The following ZNF814 variants were observed in gnomAD, a reference collection of about 807,000 sequenced individuals.
ZNF814 encodes zinc finger protein 814.
In ZNF814, 5 loss-of-function variants were observed where a neutral mutation model predicts 7.5. That is an observed-to-expected ratio of 0.67 (90% CI 0.35 to 1.40). The LOEUF is 1.40. Ranked by LOEUF, ZNF814 falls within the 40% of genes most tolerant of loss-of-function variation. The probability of loss-of-function intolerance (pLI) is 0.04; values close to 1 mark genes in which losing one functional copy is unlikely to be tolerated. For synonymous variants in ZNF814, 315 were observed against 340.7 expected (o/e 0.92, Z 0.83); for missense variants, 962 against 1,018.0 (o/e 0.94, Z 0.75).
chr19:57,886,698 G>A (rs992539836), intron 1 of ZNF814, among the ~76,000 whole-genome samples: 3 of 152,060 alleles, frequency 2.0e-5, no homozygotes, highest in African/African-American at 4.8e-5. Flanking sequence ...AGGCAACATG[G>A]CGAAACCCCA....
Position 57,874,901 on chromosome 19 carries a change from C to T in ZNF814, c.489G>A (p.Leu163=). The T allele has an allele frequency of 6.2e-7, 1 of 1,613,896 alleles. No homozygotes were observed. Among genetic ancestry groups the T allele is most frequent in the Non-Finnish European group, 8.5e-7 (1 of 1,179,750 alleles). The change falls in exon 3 of 3, where the codon TTG becomes TTA. Residue 163 remains leucine, a synonymous_variant. Coordinates refer to ENST00000435989, the MANE Select transcript of ZNF814 (RefSeq NM_001144989.2). ...EEALFAKRCK[L]HVSGESSVFS... ...AGACAGATGACTCCCCTGACACATGCAACTTACACCTCTTTGCAAACAACG... is the reference window on the plus strand; with the variant it reads ...AGACAGATGACTCCCCTGACACATGTAACTTACACCTCTTTGCAAACAACG...
chr19:57,893,830 G>C (rs2071744582), upstream of ZNF814, among the ~76,000 whole-genome samples: 2 of 150,350 alleles, frequency 1.3e-5, no homozygotes, highest in Admixed American at 6.6e-5. Flanking sequence ...TGAGGCAGGA[G>C]AATCACTTAA....
intron 1 of ZNF814, among the ~76,000 whole-genome samples, chr19:57,883,576 G>A (rs1354724228): frequency 2.0e-5 from 3 of 150,490 alleles, no homozygotes; most frequent in African/African-American, 7.3e-5. Flanking sequence ...CAGGAGAATC[G>A]CTTGAACCTG....
chr19:57,903,380 A>C, the ZNF814 span, among the ~76,000 whole-genome samples: 2 of 152,212 alleles, frequency 1.3e-5, no homozygotes, highest in Admixed American at 1.3e-4. Flanking sequence ...AGTTAGTCAA[A>C]TTAATGATCT....
At chr19:57,883,593 G>A (rs1264244766) in intron 1 of ZNF814, among the ~76,000 whole-genome samples, 9 of 150,158 alleles carry the variant, frequency 6.0e-5, no homozygotes, top group South Asian at 4.2e-4. Flanking sequence ...CCTGGGAGGC[G>A]GAGGCTGCAC....
At chr19:57,875,620 G>A (rs1363748333) in intron 2 of ZNF814, among the ~76,000 whole-genome samples, 1 of 152,158 alleles carries the variant, frequency 6.6e-6, no homozygotes, top group Non-Finnish European at 1.5e-5. Context: ...ATATATATTC[G>A]CTAACACAAA....
upstream of ZNF814, among the ~76,000 whole-genome samples, chr19:57,891,744 T>C (rs1654869459): frequency 6.6e-6 from 1 of 150,384 alleles, no homozygotes; most frequent in Non-Finnish European, 1.5e-5. Context: ...CCCACTCTTT[T>C]ATTCCTTTAC....
Position 57,887,024 on chromosome 19 carries a change from C to G in ZNF814, c.36+1743G>C, listed in dbSNP as rs551683281. 4.0e-5 allele frequency among the ~76,000 whole-genome samples: 6 copies of G among 151,588 alleles called. No individual in the cohort carries two copies. The South Asian group carries it at 1.3e-3, about 32-fold the overall frequency. ...CCAACATGGAGAAACCCCGTCTCTA[C>G]TAAACATACAAAAAATTAGCCGGGT... On this transcript the variant is annotated intron_variant, in intron 1 of 2. Coordinates refer to ENST00000435989, the MANE Select transcript of ZNF814 (RefSeq NM_001144989.2).
At position 57,875,956 on chromosome 19, in the gene ZNF814, T is replaced by C. The variant is rs1417064175; in HGVS notation, c.164-730A>G. On this transcript the variant is annotated intron_variant, in intron 2 of 2. Coordinates refer to ENST00000435989, the MANE Select transcript of ZNF814 (RefSeq NM_001144989.2). ...TCCAGGGTGCCGCTTTTTTTTTTTT[T>C]TTTTTTTTTTTTTTTTTTTTTTGAG... Among the ~76,000 whole-genome samples, 25 of 111,914 alleles carry C rather than the reference T, an allele frequency of 2.2e-4. 1 individual carries two copies. Among genetic ancestry groups the C allele is most frequent in the Middle Eastern group, 4.5e-3 (1 of 224 alleles). 73.4% of individuals were successfully genotyped at this position (111,914 alleles called of 152,430 possible).
chr19:57,902,880 C>T, the ZNF814 span, among the ~76,000 whole-genome samples: 273 of 151,930 alleles, frequency 1.8e-3, 4 homozygotes, highest in East Asian at 0.046. Flanking sequence ...GGAGTTTCAC[C>T]GTGTTAGCCA....
the ZNF814 span, among the ~76,000 whole-genome samples, chr19:57,899,423 A>G: frequency 1.3e-5 from 2 of 152,210 alleles, no homozygotes; most frequent in Non-Finnish European, 2.9e-5. Context: ...ACTCCCTTTC[A>G]ATATTTAGGA....
chr19:57,901,554 C>T, the ZNF814 span: 3 of 398,222 alleles, frequency 7.5e-6, no homozygotes, highest in African/African-American at 6.2e-5. Context: ...CTATCATGAG[C>T]CACACCAGGA....
At chr19:57,877,328 CCT>C (rs1341757152) in intron 1 of ZNF814, among the ~76,000 whole-genome samples, 2 of 152,162 alleles carry the variant, frequency 1.3e-5, no homozygotes, top group African/African-American at 2.4e-5. Context: ...GCAGAGATAC[CCT>C]CTCTGAACAC....
At position 57,873,659 on chromosome 19, in the gene ZNF814, C is replaced by T; in HGVS notation, c.1731G>A (p.Gly577=). Residue 577 remains glycine (G), a synonymous_variant, in exon 3 of 3, where the codon GGG becomes GGA. Coordinates refer to ENST00000435989, the MANE Select transcript of ZNF814 (RefSeq NM_001144989.2). ...TAAAAGATTTCCCACATTCTCCACA[C>T]CCATAAGATCTTTCTCTAGGGTGAA... ...QRVHPRERSY[G]CGECGKSFSS... is the part of the protein sequence containing the mutation. 6.2e-7 allele frequency: 1 copy of T among 1,613,944 alleles called. No homozygotes were observed. Among genetic ancestry groups the T allele is most frequent in the Non-Finnish European group, 8.5e-7 (1 of 1,179,960 alleles).
In ZNF814 at chr19:57,870,561, C is replaced by T. The variant is rs1180233365; in HGVS notation, c.*2261G>A. 1 of 152,154 alleles carries T rather than the reference C, an allele frequency of 6.6e-6. No individual in the cohort carries two copies. Among genetic ancestry groups the T allele is most frequent in the Non-Finnish European group, 1.5e-5 (1 of 68,030 alleles). 9.4% of individuals were successfully genotyped at this position (152,154 alleles called of 1,614,324 possible). Reference sequence around the variant, plus strand: ...GAATGAGTACAGGAATTCACAAAACCTTTAGATTATTTCCTCTGACAATGG... The same window carrying T: ...GAATGAGTACAGGAATTCACAAAACTTTTAGATTATTTCCTCTGACAATGG... On this transcript the variant is annotated 3_prime_UTR_variant, in exon 3 of 3. Transcript: ENST00000435989.
Position 57,873,595 on chromosome 19 carries a change from T to C in ZNF814, c.1795A>G (p.Thr599Ala). ...GHLRSHQRVH[T>A]GERPYECGEC... Reference sequence around the variant, plus strand: ...CCACACTCATAAGGCCTCTCTCCAGTATGAACGCGCTGATGGCTCCTAAGG... The same window carrying C: ...CCACACTCATAAGGCCTCTCTCCAGCATGAACGCGCTGATGGCTCCTAAGG... The change falls in exon 3 of 3, where the codon ACT (threonine) becomes GCT (alanine). Residue 599 changes from threonine to alanine, a missense_variant. Physicochemically the swap from Thr to Ala is moderately conservative, Grantham distance 58. Around this residue, in one of 7 missense-constraint regions of ZNF814, gnomAD observed 665 missense variants for 551.4 expected, o/e 1.21. Coordinates refer to ENST00000435989, the MANE Select transcript of ZNF814 (RefSeq NM_001144989.2). 6.2e-7 allele frequency: 1 copy of C among 1,613,472 alleles called. No individual in the cohort carries two copies. The highest frequency in any genetic ancestry group is 8.5e-7 in the Non-Finnish European group (1 of 1,179,850).
At position 57,874,876 on chromosome 19, in the gene ZNF814, A is replaced by G. The variant is rs2071593133; in HGVS notation, c.514T>C (p.Phe172Leu). The change falls in exon 3 of 3, where the codon TTC becomes CTC. Residue 172 changes from phenylalanine to leucine, a missense_variant. By Grantham distance (22) the Phe-to-Leu change is conservative. Around this residue, in one of 7 missense-constraint regions of ZNF814, gnomAD observed 126 missense variants for 123.5 expected, o/e 1.02. Transcript: ENST00000435989. ...AAAAAGTCCTTCCCACTCTCACTGA[A>G]GACAGATGACTCCCCTGACACATGC... Reference protein sequence around the residue: ...KLHVSGESSVFSESGKDFLPR... With the variant: ...KLHVSGESSVLSESGKDFLPR... The G allele has an allele frequency of 1.2e-6, 2 of 1,613,978 alleles. No homozygotes were observed. Among genetic ancestry groups the G allele is most frequent in the Admixed American group, 3.3e-5 (2 of 59,984 alleles).
chr19:57,871,521 G>A lies in ZNF814; in HGVS notation c.*1301C>T, dbSNP rs2071556821. ...TACAGTGACAACAACCCTCAAGATT[G>A]AAGAAGGCTGAAACAATAAGGCCTT... On this transcript the variant is annotated 3_prime_UTR_variant, in exon 3 of 3. Transcript: ENST00000435989. 6.6e-6 allele frequency: 1 copy of A among 152,198 alleles called. No individual in the cohort carries two copies. The highest frequency in any genetic ancestry group is 1.5e-5 in the Non-Finnish European group (1 of 68,014). The allele number at this position is 152,198 out of a possible 1,614,324, so 9.4% of individuals were successfully genotyped here.
chr19:57,900,917 G>T, the ZNF814 span, among the ~76,000 whole-genome samples: 1 of 131,506 alleles, frequency 7.6e-6, no homozygotes, highest in Non-Finnish European at 1.5e-5. Flanking sequence ...ACCAATCTCG[G>T]TTCACTGCAA....
Sources: allele counts gnomAD v4.1 joint callset (sites outside exome capture counted in the v4.1 genomes callset), GRCh38; gene constraint gnomAD v4.1.1; regional missense constraint gnomAD v4.1.1; transcripts MANE v1.5; gene names NCBI Gene and HGNC (gene_info 2026-07-23, HGNC 2026-07-21).